Variants in MID1 observed in about 807,000 individuals in gnomAD.
MID1 encodes E3 ubiquitin-protein ligase Midline-1.
In MID1, 7 loss-of-function variants were observed where a neutral mutation model predicts 40.4. The observed-to-expected ratio is 0.17, with a 90% CI of 0.10 to 0.33. The LOEUF is 0.33. Ranked by LOEUF, MID1 falls within the 10% of genes least tolerant of loss-of-function variation. MID1 has a pLI of 1.00. For missense variants in MID1, 367 were observed against 558.5 expected, an observed-to-expected ratio of 0.66 and a Z score of 3.46; for synonymous variants, 229 against 221.2, an observed-to-expected ratio of 1.04 and a Z score of -0.31.
At chrX:10,551,925 G>A (rs975890509) in intron 2 of MID1, among the ~76,000 whole-genome samples, 2 of 111,340 alleles carry the variant, frequency 1.8e-5, no homozygotes, top group Admixed American at 1.9e-4. Flanking sequence ...TGGGACCATA[G>A]GCGTGTGCCA....
At chrX:10,546,398 G>A (rs1286137447) in intron 2 of MID1, among the ~76,000 whole-genome samples, 1 of 112,005 alleles carries the variant, frequency 8.9e-6, no homozygotes, top group Non-Finnish European at 1.9e-5. Context: ...ATAAATCATC[G>A]TTCAATAAGT....
chrX:10,502,608 C>A (rs1931612861), intron 3 of MID1, among the ~76,000 whole-genome samples: 1 of 111,754 alleles, frequency 8.9e-6, no homozygotes. Flanking sequence ...ACTGTGAACC[C>A]TTTAGTTTAA....
At chrX:10,469,406 C>G in intron 7 of MID1, 5 of 1,043,563 alleles carry the variant, frequency 4.8e-6, no homozygotes, top group Middle Eastern at 3.8e-4. Flanking sequence ...TTGTTTCTCT[C>G]TCTATGTATC....
Position 10,447,639 on chromosome X carries a change from C to A in MID1, c.*1729G>T, listed in dbSNP as rs1248447925. 1.8e-5 allele frequency: 2 copies of A among 111,191 alleles called. No individual in the cohort carries two copies. Among genetic ancestry groups the A allele is most frequent in the Admixed American group, 1.9e-4 (2 of 10,459 alleles). The allele number at this position is 111,191 out of a possible 1,213,427, so 9.2% of individuals were successfully genotyped here. ...CTTAGGTATCTATCAAAATATTCAT[C>A]TGGGTATAAATAATATAGTAAATAT... On this transcript the variant is annotated 3_prime_UTR_variant, in exon 10 of 10. Coordinates refer to ENST00000317552, the MANE Select transcript of MID1 (RefSeq NM_000381.4).
At chrX:10,541,970 T>C (rs959081155) in intron 2 of MID1, among the ~76,000 whole-genome samples, 1 of 112,185 alleles carries the variant, frequency 8.9e-6, no homozygotes, top group Non-Finnish European at 1.9e-5. Flanking sequence ...AGTCAAATGA[T>C]GGGAGTTTTA....
chrX:10,748,083 A>G (rs2043572111), intron 1 of MID1, among the ~76,000 whole-genome samples: 1 of 111,089 alleles, frequency 9.0e-6, no homozygotes, highest in Admixed American at 9.6e-5. Context: ...AGGAGCTTAT[A>G]TAGTCTTTCT....
chrX:10,554,823 C>T (rs1428071482), intron 2 of MID1, among the ~76,000 whole-genome samples: 1 of 111,659 alleles, frequency 9.0e-6, no homozygotes, highest in African/African-American at 3.3e-5. Flanking sequence ...CCATTTCACT[C>T]TTCTTGGCTT....
intron 1 of MID1, among the ~76,000 whole-genome samples, chrX:10,789,834 C>A (rs2043916396): frequency 1.8e-5 from 2 of 111,540 alleles, no homozygotes; most frequent in Admixed American, 9.5e-5. Flanking sequence ...CTCACTGTTT[C>A]TCTCCAGACT....
At chrX:10,675,531 C>T (rs1209314542) in intron 1 of MID1, among the ~76,000 whole-genome samples, 11 of 111,549 alleles carry the variant, frequency 9.9e-5, no homozygotes, top group Non-Finnish European at 1.5e-4. Context: ...CCAAACACGC[C>T]TCTCAGAAGG....
At position 10,449,447 on chromosome X, in the gene MID1, G is replaced by C; in HGVS notation, c.1925C>G (p.Thr642Ser). Residue 642 changes from threonine (T) to serine (S), a missense_variant, in exon 10 of 10, where the codon ACC (threonine) becomes AGC (serine). Thr to Ser is a moderately conservative substitution (Grantham distance 58). Transcript: ENST00000317552. ...AFAQPVCPTF[T>S]VWNKCLTIIT... Reference sequence around the variant, plus strand: ...AATCGTCAGACACTTGTTCCACACGGTGAAGGTGGGGCAAACAGGCTGCGC... The same window carrying C: ...AATCGTCAGACACTTGTTCCACACGCTGAAGGTGGGGCAAACAGGCTGCGC... 8.3e-7 allele frequency: 1 copy of C among 1,211,925 alleles called. No individual in the cohort carries two copies. Among genetic ancestry groups the C allele is most frequent in the African/African-American group, 1.7e-5 (1 of 57,874 alleles).
chrX:10,743,136 G>A (rs1350852491), intron 1 of MID1, among the ~76,000 whole-genome samples: 1 of 112,648 alleles, frequency 8.9e-6, no homozygotes, highest in East Asian at 2.8e-4. Flanking sequence ...GAAGAATACC[G>A]CTGTGGCTTA....
In MID1 at chrX:10,812,904, T is replaced by C. The variant is rs745342069; in HGVS notation, c.-187+20650A>G. On this transcript the variant is annotated intron_variant, in intron 1 of 10. Transcript: ENST00000380785. ...CTGTGTGTTTTCCCTTCAGACTGTA[T>C]GATTTCAGTGCAAAGGTTGTCTTAG... is the stretch of plus-strand genomic sequence containing the variant. Among the ~76,000 whole-genome samples, 4 of 111,238 alleles carry C rather than the reference T, an allele frequency of 3.6e-5. No homozygotes were observed. In the South Asian group the frequency reaches 1.6e-3, roughly 43 times the overall value.
At chrX:10,813,699 C>T (rs944747656) in intron 1 of MID1, among the ~76,000 whole-genome samples, 5 of 111,519 alleles carry the variant, frequency 4.5e-5, no homozygotes, top group African/African-American at 1.6e-4. Context: ...GGGCATTTTC[C>T]TGTGGAGTTT....
intron 1 of MID1, among the ~76,000 whole-genome samples, chrX:10,691,775 T>C (rs1229675145): frequency 8.9e-6 from 1 of 112,072 alleles, no homozygotes; most frequent in Admixed American, 9.5e-5. Context: ...GAATAGAGCA[T>C]ATTTTTCTTC....
At chrX:10,764,001 G>T (rs772328366) in intron 1 of MID1, among the ~76,000 whole-genome samples, 6,067 of 111,225 alleles carry the variant, frequency 0.055, 479 homozygotes, top group African/African-American at 0.19. Context: ...TCACCCACTT[G>T]TTGATGGGGT....
chrX:10,675,589 A>G (rs12012476), intron 1 of MID1, among the ~76,000 whole-genome samples: 2,489 of 111,639 alleles, frequency 0.022, 28 homozygotes, highest in African/African-American at 0.04. Flanking sequence ...CTGAATCAAT[A>G]TATTTCTAAA....
At chrX:10,759,780 AG>A (rs2043662966) in intron 1 of MID1, among the ~76,000 whole-genome samples, 1 of 112,035 alleles carries the variant, frequency 8.9e-6, no homozygotes, top group Non-Finnish European at 1.9e-5. Flanking sequence ...GGGACAATTC[AG>A]CACTCAAGTT....
intron 1 of MID1, among the ~76,000 whole-genome samples, chrX:10,804,995 T>A (rs2044033475): frequency 2.7e-5 from 3 of 111,177 alleles, no homozygotes; most frequent in Admixed American, 1.9e-4. Context: ...ATCCTAGAGG[T>A]AAAACCCATG....
chrX:10,784,602 C>T (rs1210089055), intron 1 of MID1, among the ~76,000 whole-genome samples: 2 of 108,643 alleles, frequency 1.8e-5, no homozygotes, highest in African/African-American at 6.7e-5. Context: ...CATGCCACCA[C>T]GCCCGGCTAA....
Sources: gnomAD v4.1 joint callset for allele counts (sites outside exome capture counted in the v4.1 genomes callset) on GRCh38, gnomAD v4.1.1 for gene constraint, MANE v1.5 for transcripts, NCBI Gene and HGNC (gene_info 2026-07-23, HGNC 2026-07-21) for gene names.